Variants in GTF2A2 observed in about 807,000 individuals in gnomAD.
GTF2A2 encodes the protein general transcription factor IIA subunit 2.
GTF2A2 carries 9 observed loss-of-function variants against 14.3 expected under a neutral mutation model. The observed-to-expected ratio is 0.63, with a 90% confidence interval of 0.38 to 1.10. The LOEUF (loss-of-function observed/expected upper bound fraction) is 1.10. GTF2A2 is among the 50% of genes least tolerant of loss of function. The pLI, the probability that GTF2A2 is intolerant of heterozygous loss-of-function variation, is 0.01. For synonymous variants in GTF2A2, 56 were observed against 46.0 expected, an observed-to-expected ratio of 1.22 and a Z score of -0.88; for missense variants, 90 against 124.6, an observed-to-expected ratio of 0.72 and a Z score of 1.32.
intron 3 of GTF2A2, among the ~76,000 whole-genome samples, chr15:59,649,209 G>A (rs1318517132): frequency 6.6e-6 from 1 of 152,172 alleles, no homozygotes. Context: ...TGTAACCCAG[G>A]AGTAGGGTGA....
intron 3 of GTF2A2, among the ~76,000 whole-genome samples, chr15:59,647,588 A>AT (rs759690975): frequency 1.3e-5 from 2 of 151,798 alleles, no homozygotes; most frequent in Non-Finnish European, 2.9e-5. Context: ...ATGTTTTTGT[A>AT]TTTTTTTTAA....
chr15:59,643,020 C>G (rs1464101680), intron 3 of GTF2A2, among the ~76,000 whole-genome samples: 4 of 151,758 alleles, frequency 2.6e-5, no homozygotes, highest in Admixed American at 6.6e-5. Flanking sequence ...CCCACCTCAG[C>G]CTCCCAAAGT....
intron 1 of GTF2A2, among the ~76,000 whole-genome samples, chr15:59,656,603 A>C (rs1424722309): frequency 2.0e-5 from 3 of 152,222 alleles, no homozygotes; most frequent in African/African-American, 7.2e-5. Flanking sequence ...AAATCTGTTC[A>C]GTAAACGAAG....
chr15:59,657,245 G>C (rs1428292019), intron 1 of GTF2A2, 161 bp downstream of exon 1: 1 of 152,432 alleles, frequency 6.6e-6, no homozygotes, highest in Non-Finnish European at 1.5e-5. Flanking sequence ...GCCCTTCTCC[G>C]GTGCCGGCCG....
chr15:59,656,018 C>G (rs1455242682), intron 1 of GTF2A2, among the ~76,000 whole-genome samples: 2 of 152,214 alleles, frequency 1.3e-5, no homozygotes, highest in Non-Finnish European at 2.9e-5. Context: ...CACCCCTACA[C>G]TCTAATCACA....
chr15:59,644,859 G>A (rs983269084), intron 3 of GTF2A2, among the ~76,000 whole-genome samples: 1 of 152,184 alleles, frequency 6.6e-6, no homozygotes, highest in Non-Finnish European at 1.5e-5. Context: ...AACGGTACTG[G>A]GAAGTCAGTG....
intron 3 of GTF2A2, among the ~76,000 whole-genome samples, chr15:59,647,960 G>T (rs1891660762): frequency 6.6e-6 from 1 of 152,154 alleles, no homozygotes; most frequent in African/African-American, 2.4e-5. Context: ...TGTTAGAAGG[G>T]CTATTTTTCT....
At chr15:59,645,379 G>C (rs1436234003) in intron 3 of GTF2A2, among the ~76,000 whole-genome samples, 7 of 152,146 alleles carry the variant, frequency 4.6e-5, no homozygotes, top group Admixed American at 4.6e-4. Context: ...ATGATAAGCA[G>C]AGACAGAACT....
In GTF2A2 at chr15:59,650,747, G is replaced by T; in HGVS notation, c.99C>A (p.Ala33=). Residue 33 remains alanine, a synonymous_variant, in exon 3 of 5, where the codon GCC becomes GCA. Coordinates refer to ENST00000396060, the MANE Select transcript of GTF2A2 (RefSeq NM_004492.3). The part of the protein sequence containing the change: ...IQSQQITPQL[A]LQVLLQFDKA... ...TATCAAACTGAAGTAGAACTTGAAG[G>T]GCAAGTTGGGGGGTGATCTGTTGAG... 6.2e-7 allele frequency: 1 copy of T among 1,605,714 alleles called. No individual in the cohort carries two copies. The highest frequency in any genetic ancestry group is 2.2e-5 in the East Asian group (1 of 44,816).
chr15:59,650,304 G>C (rs1352911983), intron 3 of GTF2A2, among the ~76,000 whole-genome samples: 2 of 152,162 alleles, frequency 1.3e-5, no homozygotes, highest in Non-Finnish European at 2.9e-5. Flanking sequence ...ACGGGGAAAG[G>C]CCAGACTTTG....
chr15:59,645,430 A>C (rs531045135), intron 3 of GTF2A2, among the ~76,000 whole-genome samples: 1 of 152,286 alleles, frequency 6.6e-6, no homozygotes, highest in Non-Finnish European at 1.5e-5. Context: ...AATACGAGAA[A>C]AGCTCACACA....
intron 4 of GTF2A2, among the ~76,000 whole-genome samples, chr15:59,641,837 A>G (rs1382429206): frequency 6.6e-6 from 1 of 152,232 alleles, no homozygotes; most frequent in African/African-American, 2.4e-5. Flanking sequence ...AGGTGTCTGA[A>G]AAGCCTGATA....
At chr15:59,642,045 C>T in intron 4 of GTF2A2, 91 bp downstream of exon 4, 1 of 1,127,426 alleles carries the variant, frequency 8.9e-7, no homozygotes, top group Non-Finnish European at 1.3e-6. Context: ...GCCATTTTAC[C>T]CGTTAGGCTT....
intron 1 of GTF2A2, 152 bp downstream of exon 1, chr15:59,657,254 C>G (rs1483961279): frequency 1.3e-5 from 2 of 152,324 alleles, no homozygotes; most frequent in African/African-American, 4.8e-5. Context: ...CGGTGCCGGC[C>G]GCGGGGCCTT....
Position 59,650,699 on chromosome 15 carries a change from A to G in GTF2A2, c.147T>C (p.Ala49=). The part of the protein sequence containing the change: ...QFDKAINAAL[A]QRVRNRVNFR... ...AATTGACTCTGTTCCTGACCCTCTG[A>G]GCCAGTGCTGCATTTATAGCCTTAT... The change falls in exon 3 of 5, where the codon GCT becomes GCC. Residue 49 remains alanine (A), a synonymous_variant. Coordinates refer to ENST00000396060, the MANE Select transcript of GTF2A2 (RefSeq NM_004492.3). The G allele has an allele frequency of 6.2e-7, 1 of 1,606,920 alleles. No individual in the cohort carries two copies. The highest frequency in any genetic ancestry group is 8.5e-7 in the Non-Finnish European group (1 of 1,173,484).
At chr15:59,656,830 CTTG>C (rs1276054132) in intron 1 of GTF2A2, 2 of 152,114 alleles carry the variant, frequency 1.3e-5, no homozygotes, top group African/African-American at 4.8e-5. Flanking sequence ...TTAAAAATTC[CTTG>C]TTAAGTGTTC....
In GTF2A2 at chr15:59,653,684, G is replaced by C. The variant is rs530961205; in HGVS notation, c.-49-1358C>G. Among the ~76,000 whole-genome samples, 39 of 152,110 alleles carry C rather than the reference G, an allele frequency of 2.6e-4. 1 individual carries two copies. The highest frequency in any genetic ancestry group is 6.8e-3 in the Middle Eastern group (2 of 294). Reference sequence around the variant, plus strand: ...CTATCTGGTGATGACTCTCAAATTTGTATCTCCAGCCCTCAATTCTCCCTT... The same window carrying C: ...CTATCTGGTGATGACTCTCAAATTTCTATCTCCAGCCCTCAATTCTCCCTT... On this transcript the variant is annotated intron_variant, in intron 1 of 4. Transcript: ENST00000396060.
chr15:59,646,815 G>A (rs1386175315), intron 3 of GTF2A2, among the ~76,000 whole-genome samples: 1 of 152,012 alleles, frequency 6.6e-6, no homozygotes, highest in Non-Finnish European at 1.5e-5. Flanking sequence ...TTTTAAAAAG[G>A]TAAACGTAAG....
Position 59,648,337 on chromosome 15 carries a change from G to A in GTF2A2, c.177+2332C>T, listed in dbSNP as rs552450150. ...ACAGAAGAATCGCTTGAACCCAGGA[G>A]GCAGAGGTTGCAGTGAGCCGAGATT... On this transcript the variant is annotated intron_variant, in intron 3 of 4. Coordinates refer to ENST00000396060, the MANE Select transcript of GTF2A2 (RefSeq NM_004492.3). Among the ~76,000 whole-genome samples the A allele has an allele frequency of 6.2e-5, 9 of 146,162 alleles. No individual in the cohort carries two copies. The South Asian group carries it at 1.5e-3, about 24-fold the overall frequency.
Sources: allele counts gnomAD v4.1 joint callset (sites outside exome capture counted in the v4.1 genomes callset), GRCh38; gene constraint gnomAD v4.1.1; transcripts MANE v1.5; gene names NCBI Gene and HGNC (gene_info 2026-07-23, HGNC 2026-07-21).